TMEM217B: variants seen among roughly 807,000 people sequenced by gnomAD.
TMEM217B encodes the protein putative transmembrane protein 217B.
At chr6:37,218,793 A>C in the TMEM217B span, 1 of 1,614,240 alleles carries the variant, frequency 6.2e-7, no homozygotes, top group Non-Finnish European at 8.5e-7. Flanking sequence ...AGGAGGAAGC[A>C]GCTGATGAGG....
chr6:37,237,813 T>C, the TMEM217B span, among the ~76,000 whole-genome samples: 23 of 152,114 alleles, frequency 1.5e-4, no homozygotes, highest in South Asian at 4.1e-4. Context: ...TCTATATATA[T>C]ACACACACAC....
At chr6:37,255,208 C>T in the TMEM217B span, among the ~76,000 whole-genome samples, 1 of 152,014 alleles carries the variant, frequency 6.6e-6, no homozygotes, top group Non-Finnish European at 1.5e-5. Flanking sequence ...GGCAATAAGA[C>T]CAATGGGCAT....
chr6:37,247,429 C>T, the TMEM217B span, among the ~76,000 whole-genome samples: 1 of 150,420 alleles, frequency 6.6e-6, no homozygotes, highest in East Asian at 1.9e-4. Flanking sequence ...CGCTCTGTTG[C>T]CAGGCTGGAG....
the TMEM217B span, among the ~76,000 whole-genome samples, chr6:37,244,575 C>T: frequency 6.6e-6 from 1 of 152,208 alleles, no homozygotes; most frequent in Non-Finnish European, 1.5e-5. Context: ...TCAGAGCAAG[C>T]AACAAGTGCC....
the TMEM217B span, among the ~76,000 whole-genome samples, chr6:37,241,899 A>G: frequency 6.6e-6 from 1 of 152,180 alleles, no homozygotes; most frequent in Admixed American, 6.5e-5. Context: ...CACTGTAACT[A>G]AACACTAACA....
the TMEM217B span, among the ~76,000 whole-genome samples, chr6:37,237,105 A>G: frequency 6.6e-6 from 1 of 152,178 alleles, no homozygotes; most frequent in Non-Finnish European, 1.5e-5. Flanking sequence ...CCTGGACACT[A>G]TTCTTTAGAA....
the TMEM217B span, among the ~76,000 whole-genome samples, chr6:37,243,002 G>A: frequency 6.6e-6 from 1 of 152,270 alleles, no homozygotes; most frequent in East Asian, 1.9e-4. Flanking sequence ...TGCAGGAGAG[G>A]CTGGGAAAGC....
chr6:37,253,162 T>C, the TMEM217B span, among the ~76,000 whole-genome samples: 1 of 152,220 alleles, frequency 6.6e-6, no homozygotes, highest in Non-Finnish European at 1.5e-5. Flanking sequence ...ATGTGCTATG[T>C]AGCATTCAAA....
At chr6:37,213,259 T>C in the TMEM217B span, among the ~76,000 whole-genome samples, 2 of 152,252 alleles carry the variant, frequency 1.3e-5, no homozygotes, top group Non-Finnish European at 2.9e-5. Context: ...GCTTCAGCTT[T>C]GCTTTAAAGT....
chr6:37,256,609 C>A, the TMEM217B span, among the ~76,000 whole-genome samples: 1 of 152,098 alleles, frequency 6.6e-6, no homozygotes, highest in Admixed American at 6.5e-5. Context: ...ACAAAAGAAG[C>A]TTGAAAATGG....
the TMEM217B span, among the ~76,000 whole-genome samples, chr6:37,240,062 C>A: frequency 1.3e-5 from 2 of 152,058 alleles, no homozygotes; most frequent in Non-Finnish European, 2.9e-5. Flanking sequence ...TAAGAAGAGG[C>A]GAGACAGAAA....
the TMEM217B span, among the ~76,000 whole-genome samples, chr6:37,220,111 C>G: frequency 6.6e-6 from 1 of 151,978 alleles, no homozygotes; most frequent in Non-Finnish European, 1.5e-5. Context: ...TAAATAGAAG[C>G]GCGTAAGTCA....
chr6:37,240,757 T>A, the TMEM217B span, among the ~76,000 whole-genome samples: 5 of 152,092 alleles, frequency 3.3e-5, no homozygotes, highest in African/African-American at 1.2e-4. Context: ...AAAATAAATT[T>A]AAAAAAAGAC....
At chr6:37,217,878 C>T in the TMEM217B span, 4 of 985,862 alleles carry the variant, frequency 4.1e-6, no homozygotes, top group Non-Finnish European at 4.8e-6. Context: ...TTATTCCATT[C>T]ATTTTGACCA....
the TMEM217B span, among the ~76,000 whole-genome samples, chr6:37,234,481 C>T: frequency 6.6e-6 from 1 of 152,136 alleles, no homozygotes; most frequent in African/African-American, 2.4e-5. Context: ...TGAGGAGTAC[C>T]TGTGCTTATG....
the TMEM217B span, among the ~76,000 whole-genome samples, chr6:37,252,043 G>A: frequency 6.6e-6 from 1 of 152,054 alleles, no homozygotes; most frequent in South Asian, 2.1e-4. Flanking sequence ...ACAGGCATGC[G>A]CCACCATGCC....
the TMEM217B span, chr6:37,257,584 G>A: frequency 2.8e-6 from 1 of 363,596 alleles, no homozygotes; most frequent in Non-Finnish European, 5.1e-6. Flanking sequence ...CTTCCCTCTC[G>A]CGGGTAGGAA....
At chr6:37,240,249 G>T in the TMEM217B span, among the ~76,000 whole-genome samples, 3 of 152,190 alleles carry the variant, frequency 2.0e-5, no homozygotes, top group Non-Finnish European at 2.9e-5. Context: ...GTAGGTGGGT[G>T]GTTCTGGTTC....
chr6:37,231,611 G>T, the TMEM217B span, among the ~76,000 whole-genome samples: 1 of 148,368 alleles, frequency 6.7e-6, no homozygotes, highest in Non-Finnish European at 1.5e-5. Flanking sequence ...AGGTGGGGTT[G>T]CGGTGAGCCG....
Sources: gnomAD v4.1 joint callset for allele counts (sites outside exome capture counted in the v4.1 genomes callset) on GRCh38, gnomAD v4.1.1 for gene constraint, MANE v1.5 for transcripts, NCBI Gene and HGNC (gene_info 2026-07-23, HGNC 2026-07-21) for gene names.